CCDC6: variants seen among roughly 807,000 people sequenced by gnomAD.
The protein encoded by CCDC6 is coiled-coil domain containing 6, also known as coiled-coil domain-containing protein 6.
CCDC6 carries 20 observed loss-of-function variants against 56.6 expected under a neutral mutation model. The observed-to-expected ratio is 0.35, with a 90% CI of 0.25 to 0.51. CCDC6 has a LOEUF of 0.51. CCDC6 is among the 20% of genes least tolerant of loss of function. The pLI is 0.95. For missense variants in CCDC6, 367 were observed against 601.1 expected (o/e 0.61, Z 4.07); for synonymous variants, 241 against 234.4 (o/e 1.03, Z -0.26).
intron 2 of CCDC6, among the ~76,000 whole-genome samples, chr10:59,833,348 C>T (rs10994036): frequency 6.6e-6 from 1 of 152,064 alleles, no homozygotes; most frequent in East Asian, 1.9e-4. Context: ...ACTTGGGAGG[C>T]TGAGACAAGA....
intron 1 of CCDC6, among the ~76,000 whole-genome samples, chr10:59,896,032 T>C (rs2071460261): frequency 6.6e-6 from 1 of 152,156 alleles, no homozygotes; most frequent in Admixed American, 6.5e-5. Context: ...GAAAGTAATG[T>C]TGTGCACACT....
chr10:59,839,882 G>A (rs1024719340), intron 2 of CCDC6, among the ~76,000 whole-genome samples: 1 of 152,130 alleles, frequency 6.6e-6, no homozygotes, highest in Non-Finnish European at 1.5e-5. Context: ...CTGTAGTATA[G>A]TGGCGTGATC....
intron 2 of CCDC6, among the ~76,000 whole-genome samples, chr10:59,839,443 A>C (rs1459465793): frequency 6.6e-6 from 1 of 152,188 alleles, no homozygotes; most frequent in East Asian, 1.9e-4. Flanking sequence ...CTCTAGATTA[A>C]GCCTGAGGAT....
intron 8 of CCDC6, among the ~76,000 whole-genome samples, chr10:59,793,584 G>C (rs1424292027): frequency 5.3e-5 from 8 of 152,134 alleles, no homozygotes; most frequent in Admixed American, 5.2e-4. Flanking sequence ...AGGAGTTCGA[G>C]ACCAGCCTGG....
chr10:59,872,493 G>A (rs1037555116), intron 1 of CCDC6, among the ~76,000 whole-genome samples: 4 of 152,144 alleles, frequency 2.6e-5, no homozygotes, highest in South Asian at 2.1e-4. Context: ...GGTGTCCAGG[G>A]GTTGGGCTTC....
At chr10:59,851,123 T>C (rs1311616801) in intron 2 of CCDC6, among the ~76,000 whole-genome samples, 2 of 70,248 alleles carry the variant, frequency 2.8e-5, no homozygotes, top group African/African-American at 1.2e-4. Context: ...AAAACAACCA[T>C]GTAAATTGAA....
chr10:59,868,661 G>C (rs1289339642), intron 1 of CCDC6, among the ~76,000 whole-genome samples: 1 of 152,056 alleles, frequency 6.6e-6, no homozygotes, highest in Non-Finnish European at 1.5e-5. Flanking sequence ...CTCTTTCATG[G>C]CTCACTGTGC....
At position 59,792,950 on chromosome 10, in the gene CCDC6, C is replaced by A. The variant is rs765482133; in HGVS notation, c.1392G>T (p.Ser464=). The part of the protein sequence containing the change: ...PSAATSQPTP[S]QHSAHPSSQP Reference sequence around the variant, plus strand: ...GGGAGGAGGGGTGCGCCGAATGTTGCGAAGGAGTAGGCTGCGAGGTGGCTG... The same window carrying A: ...GGGAGGAGGGGTGCGCCGAATGTTGAGAAGGAGTAGGCTGCGAGGTGGCTG... Residue 464 remains serine, a synonymous_variant, in exon 9 of 9, where the codon TCG becomes TCT. Transcript: ENST00000263102. The A allele has an allele frequency of 5.0e-6, 8 of 1,611,046 alleles. No homozygotes were observed. Among genetic ancestry groups the A allele is most frequent in the Non-Finnish European group, 6.8e-6 (8 of 1,178,596 alleles).
At chr10:59,895,733 G>C (rs944780701) in intron 1 of CCDC6, among the ~76,000 whole-genome samples, 1 of 152,162 alleles carries the variant, frequency 6.6e-6, no homozygotes, top group African/African-American at 2.4e-5. Context: ...AGTCCTTGAC[G>C]TTCTGGAGGC....
chr10:59,835,197 T>G (rs1039817218), intron 2 of CCDC6, among the ~76,000 whole-genome samples: 1 of 152,232 alleles, frequency 6.6e-6, no homozygotes, highest in Admixed American at 6.5e-5. Context: ...TTCTTTTTTC[T>G]CAACATTATG....
At chr10:59,866,755 C>T (rs2071181238) in intron 1 of CCDC6, among the ~76,000 whole-genome samples, 1 of 152,198 alleles carries the variant, frequency 6.6e-6, no homozygotes, top group Admixed American at 6.5e-5. Flanking sequence ...ATGGTCTAAA[C>T]TCAACAATCC....
At chr10:59,818,248 T>C (rs900134460) in intron 3 of CCDC6, among the ~76,000 whole-genome samples, 7 of 152,026 alleles carry the variant, frequency 4.6e-5, no homozygotes, top group Non-Finnish European at 8.8e-5. Context: ...TCAGGAAACA[T>C]GGGTTGGAGC....
intron 1 of CCDC6, among the ~76,000 whole-genome samples, chr10:59,892,089 T>G (rs367777710): frequency 2.6e-5 from 4 of 152,330 alleles, no homozygotes; most frequent in African/African-American, 9.6e-5. Flanking sequence ...TGTTTTGGTT[T>G]CTGTTCTTTA....
In CCDC6 at chr10:59,792,517, G is replaced by T; in HGVS notation, c.*400C>A. On this transcript the variant is annotated 3_prime_UTR_variant, in exon 9 of 9. Coordinates refer to ENST00000263102, the MANE Select transcript of CCDC6 (RefSeq NM_005436.5). ...TTATAATGAGAGGAGGGTAACAACA[G>T]CTCAGTAATTTTCTGCAGATTCATG... 2.0e-6 allele frequency: 1 copy of T among 493,076 alleles called. No homozygotes were observed. 30.5% of individuals were successfully genotyped at this position (493,076 alleles called of 1,614,324 possible).
intron 1 of CCDC6, among the ~76,000 whole-genome samples, chr10:59,872,544 A>G (rs866053234): frequency 2.0e-5 from 3 of 152,314 alleles, no homozygotes; most frequent in Middle Eastern, 3.4e-3. Flanking sequence ...CCGAAGAAGT[A>G]AAAGACACAC....
intron 7 of CCDC6, among the ~76,000 whole-genome samples, chr10:59,798,384 G>A (rs1428715445): frequency 6.6e-6 from 1 of 152,114 alleles, no homozygotes; most frequent in Non-Finnish European, 1.5e-5. Context: ...TGCTATTATC[G>A]CAGGACTTTT....
intron 4 of CCDC6, among the ~76,000 whole-genome samples, chr10:59,813,350 CAA>C (rs1005520848): frequency 3.9e-5 from 6 of 152,174 alleles, no homozygotes; most frequent in Non-Finnish European, 7.4e-5. Flanking sequence ...AAGTTAAAAA[CAA>C]AACCAAAATT....
At chr10:59,870,198 C>T (rs952831948) in intron 1 of CCDC6, among the ~76,000 whole-genome samples, 16 of 152,114 alleles carry the variant, frequency 1.1e-4, no homozygotes, top group African/African-American at 3.4e-4. Context: ...GCAAGTACTC[C>T]GATACTGGTT....
chr10:59,903,406 A>C (rs2071518873), intron 1 of CCDC6, among the ~76,000 whole-genome samples: 2 of 152,154 alleles, frequency 1.3e-5, no homozygotes, highest in Admixed American at 1.3e-4. Context: ...TTACGTGGGA[A>C]ATCTCTGTAC....
Sources: allele counts gnomAD v4.1 joint callset (sites outside exome capture counted in the v4.1 genomes callset), GRCh38; gene constraint gnomAD v4.1.1; transcripts MANE v1.5; gene names NCBI Gene and HGNC (gene_info 2026-07-23, HGNC 2026-07-21).